The following IQCM variants were observed in gnomAD, a reference collection of about 807,000 sequenced individuals.
IQCM encodes IQ motif containing M, also known as IQ domain-containing protein M.
Under a neutral mutation model 57.6 loss-of-function variants are expected in IQCM, and 45 were observed. That is an observed-to-expected ratio of 0.78 (90% CI 0.62 to 1.00). The LOEUF (loss-of-function observed/expected upper bound fraction) is 1.00. Among genes scored for constraint, IQCM ranks in the 50% least tolerant of loss-of-function variants. The probability of loss-of-function intolerance (pLI) is 0.00; values close to 1 mark genes in which losing one functional copy is unlikely to be tolerated. For synonymous variants in IQCM, 148 were observed against 158.9 expected (o/e 0.93, Z 0.51); for missense variants, 468 against 511.6 (o/e 0.91, Z 0.82).
At chr4:149,511,604 A>C (rs914510866) in intron 12 of IQCM, among the ~76,000 whole-genome samples, 2 of 151,896 alleles carry the variant, frequency 1.3e-5, no homozygotes, top group African/African-American at 4.8e-5. Flanking sequence ...ATTTCGTGAG[A>C]TCTCCAGTTT....
At chr4:149,769,547 T>C (rs561215984) in intron 2 of IQCM, among the ~76,000 whole-genome samples, 1 of 150,240 alleles carries the variant, frequency 6.7e-6, no homozygotes, top group Admixed American at 6.6e-5. Context: ...TGTACAATGC[T>C]CTATAGCTAA....
chr4:149,572,649 C>A (rs1751272342), intron 9 of IQCM, among the ~76,000 whole-genome samples: 2 of 151,910 alleles, frequency 1.3e-5, no homozygotes, highest in Admixed American at 6.6e-5. Context: ...TTTGTGAGAA[C>A]CACACAACCA....
chr4:149,475,552 T>C (rs1418257881), intron 12 of IQCM, among the ~76,000 whole-genome samples: 2 of 151,748 alleles, frequency 1.3e-5, no homozygotes, highest in East Asian at 1.9e-4. Flanking sequence ...AGCCATAAAA[T>C]GGAAGAGATC....
At chr4:149,806,155 T>G (rs1214894439) in intron 2 of IQCM, among the ~76,000 whole-genome samples, 3 of 151,738 alleles carry the variant, frequency 2.0e-5, no homozygotes, top group Non-Finnish European at 4.4e-5. Context: ...AAAAGAATTT[T>G]TGTAAAAAGC....
intron 5 of IQCM, among the ~76,000 whole-genome samples, chr4:149,712,367 C>T (rs112458620): frequency 5.3e-5 from 8 of 151,760 alleles, no homozygotes; most frequent in African/African-American, 1.9e-4. Context: ...CACACACACA[C>T]ACAACACACA....
intron 7 of IQCM, among the ~76,000 whole-genome samples, chr4:149,660,366 A>C (rs2150152710): frequency 6.6e-6 from 1 of 152,250 alleles, no homozygotes. Flanking sequence ...AAATAGGAAC[A>C]CTTTTACACT....
chr4:149,624,114 G>A (rs2150079115), intron 7 of IQCM, among the ~76,000 whole-genome samples: 2 of 151,080 alleles, frequency 1.3e-5, no homozygotes, highest in Middle Eastern at 7.2e-3. Flanking sequence ...TGCTTTGTAT[G>A]CGCCATAAAA....
At chr4:149,452,613 A>C (rs2111414396) in intron 12 of IQCM, among the ~76,000 whole-genome samples, 1 of 151,740 alleles carries the variant, frequency 6.6e-6, no homozygotes, top group Non-Finnish European at 1.5e-5. Flanking sequence ...TTGACATATA[A>C]AAAGCTGTAC....
At chr4:149,735,050 C>A (rs114362806) in intron 4 of IQCM, among the ~76,000 whole-genome samples, 289 of 152,016 alleles carry the variant, frequency 1.9e-3, no homozygotes, top group Middle Eastern at 0.01. Context: ...AGTTTAGCTT[C>A]GACTAAACAG....
chr4:149,686,301 C>A (rs1762543551), intron 6 of IQCM, 77 bp downstream of exon 6: 1 of 614,678 alleles, frequency 1.6e-6, no homozygotes, highest in African/African-American at 1.9e-5. Context: ...CTTGAGAGAC[C>A]ATGACAATTG....
chr4:149,754,878 A>G (rs1768817847), intron 2 of IQCM, among the ~76,000 whole-genome samples: 1 of 152,170 alleles, frequency 6.6e-6, no homozygotes, highest in Non-Finnish European at 1.5e-5. Flanking sequence ...TCTATCTCAC[A>G]TCTTCATTCG....
intron 13 of IQCM, among the ~76,000 whole-genome samples, chr4:149,369,609 T>C (rs999432708): frequency 6.6e-6 from 1 of 152,182 alleles, no homozygotes; most frequent in Admixed American, 6.5e-5. Context: ...ATTCACTTTA[T>C]TTTAACTATG....
chr4:149,369,543 G>A (rs1466875873), intron 13 of IQCM, among the ~76,000 whole-genome samples: 1 of 152,132 alleles, frequency 6.6e-6, no homozygotes, highest in East Asian at 1.9e-4. Flanking sequence ...TGTCATAAAA[G>A]TGGTATAGCA....
intron 8 of IQCM, among the ~76,000 whole-genome samples, chr4:149,619,805 G>A (rs193217917): frequency 6.6e-6 from 1 of 152,248 alleles, no homozygotes; most frequent in African/African-American, 2.4e-5. Context: ...AAGATTAAAT[G>A]AGGTCATAAG....
Position 149,696,985 on chromosome 4 carries a change from C to G in IQCM, c.386-10517G>C, listed in dbSNP as rs186537717. On this transcript the variant is annotated intron_variant, in intron 5 of 13. Coordinates refer to ENST00000636793, the MANE Select transcript of IQCM (RefSeq NM_001363507.2). ...AACCCAATCTAAGCCATCATTATCT[C>G]TTTCCTAGATTGAAAAATCACTTTC... Among the ~76,000 whole-genome samples the G allele has an allele frequency of 3.9e-5, 6 of 152,248 alleles. No individual in the cohort carries two copies. The East Asian group carries it at 1.2e-3, about 29-fold the overall frequency.
At position 149,812,460 on chromosome 4, in the gene IQCM, T is replaced by G. The variant is rs547404069; in HGVS notation, c.-49+2851A>C. On this transcript the variant is annotated intron_variant, in intron 2 of 13. Transcript: ENST00000636793. ...TTTTATCCATTCTACCTTCTAGATC[T>G]CTCTCTCTCTCTCTCTCTCTCACAC... Among the ~76,000 whole-genome samples the G allele has an allele frequency of 4.5e-4, 60 of 132,172 alleles. No homozygotes were observed. The South Asian group carries it at 0.012, about 26-fold the overall frequency. The allele number at this position is 132,172 out of a possible 152,430, so 86.7% of individuals were successfully genotyped here. A position where few individuals can be genotyped will look rare whatever the true frequency, so the allele number is the denominator to read the frequency against.
intron 13 of IQCM, among the ~76,000 whole-genome samples, chr4:149,378,190 C>A (rs552377973): frequency 6.6e-6 from 1 of 152,152 alleles, no homozygotes; most frequent in Admixed American, 6.6e-5. Context: ...CCATTAAAGG[C>A]TCTGTCTTCA....
At chr4:149,729,748 C>G (rs972799456) in intron 5 of IQCM, among the ~76,000 whole-genome samples, 16 of 151,866 alleles carry the variant, frequency 1.1e-4, no homozygotes, top group Admixed American at 3.3e-4. Context: ...TTTCCTTTAC[C>G]CCTTGGATTA....
Position 149,372,268 on chromosome 4 carries a change from A to T in IQCM, c.1391-20202T>A, listed in dbSNP as rs559788481. The stretch of plus-strand genomic sequence containing the variant: ...CAAGTTATCTTTACATTAAATTTAC[A>T]TTTTGTTTTGTAAACTAAAGTTGTA... On this transcript the variant is annotated intron_variant, in intron 13 of 13. Transcript: ENST00000636793. 4.6e-5 allele frequency among the ~76,000 whole-genome samples: 7 copies of T among 152,230 alleles called. No individual in the cohort carries two copies. The East Asian group carries it at 1.2e-3, about 25-fold the overall frequency.
Sources: allele counts gnomAD v4.1 joint callset (sites outside exome capture counted in the v4.1 genomes callset), GRCh38; gene constraint gnomAD v4.1.1; transcripts MANE v1.5; gene names NCBI Gene and HGNC (gene_info 2026-07-23, HGNC 2026-07-21).